The following PLCH1 variants were observed in gnomAD, a reference collection of about 807,000 sequenced individuals.
PLCH1 encodes 1-phosphatidylinositol 4,5-bisphosphate phosphodiesterase eta-1.
Under a neutral mutation model 126.7 loss-of-function variants are expected in PLCH1, and 60 were observed. The observed-to-expected ratio is 0.47, with a 90% CI of 0.38 to 0.59. PLCH1 has a LOEUF of 0.59. Ranked by LOEUF, PLCH1 falls within the 20% of genes least tolerant of loss-of-function variation. The probability of loss-of-function intolerance (pLI) is 0.00; values close to 1 mark genes in which losing one functional copy is unlikely to be tolerated. For missense variants in PLCH1, 1,723 were observed against 2,040.0 expected (o/e 0.84, Z 2.99); for synonymous variants, 719 against 734.9 (o/e 0.98, Z 0.35).
At chr3:155,673,867 A>G (rs1743809923) in intron 2 of PLCH1, among the ~76,000 whole-genome samples, 1 of 152,170 alleles carries the variant, frequency 6.6e-6, no homozygotes, top group Admixed American at 6.5e-5. Context: ...TTCTAGGTCA[A>G]AGTGTATTTA....
At chr3:155,601,482 T>A (rs920404112) in intron 2 of PLCH1, among the ~76,000 whole-genome samples, 1 of 151,944 alleles carries the variant, frequency 6.6e-6, no homozygotes, top group Non-Finnish European at 1.5e-5. Context: ...CTTGGCAATA[T>A]ACATATATAA....
At chr3:155,596,407 T>C (rs1372754701) in intron 2 of PLCH1, 29 bp from the exon 3 acceptor site, 3 of 1,597,488 alleles carry the variant, frequency 1.9e-6, no homozygotes, top group East Asian at 2.2e-5. Flanking sequence ...TGTATCCAGC[T>C]ATCACACAAT....
At chr3:155,631,813 T>C (rs149104867) in intron 2 of PLCH1, among the ~76,000 whole-genome samples, 200 of 152,216 alleles carry the variant, frequency 1.3e-3, no homozygotes, top group African/African-American at 4.4e-3. Flanking sequence ...AAACTTCTGA[T>C]GAATAATGCA....
Position 155,485,961 on chromosome 3 carries a change from G to C in PLCH1, c.2620-251C>G, listed in dbSNP as rs971221448. The C allele has an allele frequency of 9.9e-6, 6 of 604,826 alleles. No individual in the cohort carries two copies. In the African/African-American group the frequency reaches 1.1e-4, roughly 11 times the overall value. 37.5% of individuals were successfully genotyped at this position (604,826 alleles called of 1,614,324 possible). On this transcript the variant is annotated intron_variant, in intron 21 of 22. Transcript: ENST00000460012. ...CTTTCCCAGAAGTTTCCTACCCAGA[G>C]ATGACAAAGTGGTAGGAAAAGTCTC... is the stretch of plus-strand genomic sequence containing the variant.
At chr3:155,711,047 A>G (rs1747092563) in intron 1 of PLCH1, among the ~76,000 whole-genome samples, 1 of 151,314 alleles carries the variant, frequency 6.6e-6, no homozygotes, top group Admixed American at 6.6e-5. Context: ...ATATGTTGCA[A>G]CCCTCTAGGT....
At chr3:155,726,211 CT>C in intron 1 of PLCH1, among the ~76,000 whole-genome samples, 1 of 152,012 alleles carries the variant, frequency 6.6e-6, no homozygotes, top group Non-Finnish European at 1.5e-5. Flanking sequence ...TTTTAAGATC[CT>C]TTATCTGGAA....
intron 4 of PLCH1, among the ~76,000 whole-genome samples, chr3:155,593,125 C>T (rs1224722793): frequency 6.6e-6 from 1 of 152,074 alleles, no homozygotes; most frequent in East Asian, 1.9e-4. Flanking sequence ...TAGCGCTACT[C>T]CCTGCAAGGA....
intron 8 of PLCH1, among the ~76,000 whole-genome samples, chr3:155,555,282 C>G (rs1726675737): frequency 6.6e-6 from 1 of 152,226 alleles, no homozygotes; most frequent in South Asian, 2.1e-4. Flanking sequence ...CAGCTGGACT[C>G]TATTTCCTAG....
chr3:155,467,745 C>A (rs567721676), intron 21 of PLCH1, among the ~76,000 whole-genome samples: 5 of 152,162 alleles, frequency 3.3e-5, no homozygotes, highest in African/African-American at 4.8e-5. Flanking sequence ...AATAGTATAA[C>A]TGGCAAAAAT....
chr3:155,471,199 A>G (rs949558414), intron 21 of PLCH1, among the ~76,000 whole-genome samples: 13 of 152,244 alleles, frequency 8.5e-5, no homozygotes, highest in Admixed American at 8.5e-4. Flanking sequence ...GTGCAGACAC[A>G]CACATAGGCT....
chr3:155,513,056 C>G (rs771899246), intron 12 of PLCH1, among the ~76,000 whole-genome samples: 2 of 152,170 alleles, frequency 1.3e-5, no homozygotes, highest in African/African-American at 2.4e-5. Context: ...AAAGACAGGA[C>G]AAGTAGAAAC....
chr3:155,712,149 C>T (rs541253007), intron 1 of PLCH1, among the ~76,000 whole-genome samples: 2 of 152,270 alleles, frequency 1.3e-5, no homozygotes, highest in Non-Finnish European at 2.9e-5. Context: ...GTAAAGAGGA[C>T]CCATCTGGCC....
intron 10 of PLCH1, among the ~76,000 whole-genome samples, chr3:155,533,864 C>T (rs1723000926): frequency 6.6e-6 from 1 of 152,226 alleles, no homozygotes; most frequent in Non-Finnish European, 1.5e-5. Flanking sequence ...AGGGTGTAAG[C>T]TCCAAGCCTT....
intron 2 of PLCH1, among the ~76,000 whole-genome samples, chr3:155,600,611 A>AC (rs1350278226): frequency 6.9e-6 from 1 of 145,894 alleles, no homozygotes; most frequent in African/African-American, 2.7e-5. Flanking sequence ...CTAAAAAAAA[A>AC]AAAAAAAAAG....
intron 20 of PLCH1, 97 bp downstream of exon 20, chr3:155,488,563 A>G (rs1195448943): frequency 5.3e-5 from 55 of 1,034,122 alleles, no homozygotes; most frequent in Non-Finnish European, 7.3e-5. Context: ...CACATATTTT[A>G]TCACGTATGC....
intron 10 of PLCH1, among the ~76,000 whole-genome samples, chr3:155,543,422 T>C (rs59319357): frequency 0.019 from 2,849 of 152,256 alleles, 91 homozygotes; most frequent in African/African-American, 0.065. Context: ...TTGGTGTACC[T>C]GAAAGTGACG....
Position 155,470,135 on chromosome 3 carries a change from G to A in PLCH1, c.2938+15221C>T, listed in dbSNP as rs4528994. Among the ~76,000 whole-genome samples the A allele has an allele frequency of 1.0e-3, 157 of 151,556 alleles. 1 individual carries two copies. The highest frequency in any genetic ancestry group is 1.8e-3 in the Non-Finnish European group (119 of 67,626). On this transcript the variant is annotated intron_variant, in intron 21 of 21. Transcript: ENST00000494598. The stretch of plus-strand genomic sequence containing the variant: ...AGACGATCAAATTACTCTGAGCTAC[G>A]GGATGACATTCAAACCAAAGGCAAA...
At chr3:155,715,213 A>G (rs550660115) in intron 1 of PLCH1, among the ~76,000 whole-genome samples, 1 of 152,302 alleles carries the variant, frequency 6.6e-6, no homozygotes, top group African/African-American at 2.4e-5. Context: ...TTATTTTTAA[A>G]TCAATCTCAC....
intron 11 of PLCH1, among the ~76,000 whole-genome samples, chr3:155,515,376 T>C (rs1720179989): frequency 6.6e-6 from 1 of 152,230 alleles, no homozygotes; most frequent in Admixed American, 6.5e-5. Context: ...AACAAAAATA[T>C]GCTATTAAAA....
Sources: gnomAD v4.1 joint callset for allele counts (sites outside exome capture counted in the v4.1 genomes callset) on GRCh38, gnomAD v4.1.1 for gene constraint, MANE v1.5 for transcripts, NCBI Gene and HGNC (gene_info 2026-07-23, HGNC 2026-07-21) for gene names.